DDAH1: variants seen among roughly 807,000 people sequenced by gnomAD.
The protein encoded by DDAH1 is dimethylarginine dimethylaminohydrolase 1.
Under a neutral mutation model 28.8 loss-of-function variants are expected in DDAH1, and 19 were observed. The ratio of observed to expected loss-of-function variants is 0.66; its 90% CI spans 0.46 to 0.97. DDAH1 has a LOEUF of 0.97. Among genes scored for constraint, DDAH1 ranks in the 50% least tolerant of loss-of-function variants. The probability of loss-of-function intolerance (pLI) is 0.00; values close to 1 mark genes in which losing one functional copy is unlikely to be tolerated. For synonymous variants in DDAH1, 153 were observed against 154.4 expected, an observed-to-expected ratio of 0.99 and a Z score of 0.07; for missense variants, 326 against 375.9, an observed-to-expected ratio of 0.87 and a Z score of 1.10.
intron 1 of DDAH1, among the ~76,000 whole-genome samples, chr1:85,458,285 C>T (rs1654987666): frequency 6.6e-6 from 1 of 152,116 alleles, no homozygotes; most frequent in Non-Finnish European, 1.5e-5. Context: ...CATTTAGCAA[C>T]AAAAGTCTAA....
intron 1 of DDAH1, among the ~76,000 whole-genome samples, chr1:85,537,790 G>A (rs116553278): frequency 0.024 from 3,552 of 150,914 alleles, 115 homozygotes; most frequent in African/African-American, 0.06. Flanking sequence ...TAGGACTCTG[G>A]CATATTTTAA....
chr1:85,572,102 C>T (rs1405515770), intron 1 of DDAH1, among the ~76,000 whole-genome samples: 5 of 152,138 alleles, frequency 3.3e-5, no homozygotes, highest in Non-Finnish European at 4.4e-5. Flanking sequence ...TTACAGTAGA[C>T]GGATCTCTCA....
chr1:85,464,755 G>A lies in DDAH1; in HGVS notation c.291C>T (p.Ser97=). ...TALITRPGAP[S]RRKEVDMMKE... Reference sequence around the variant, plus strand: ...AGTCGGCAGTTACCTCCTTCCTCCGGCTCGGCGCCCCGGGTCGGGTGATGA... The same window carrying A: ...AGTCGGCAGTTACCTCCTTCCTCCGACTCGGCGCCCCGGGTCGGGTGATGA... The change falls in exon 1 of 6, where the codon AGC becomes AGT. Residue 97 remains serine (S), a synonymous_variant. Transcript: ENST00000284031. This position sits in a 1 kb window ranked among gnomAD's most constrained non-coding sequence, Gnocchi z 4.4. 1 of 1,548,618 alleles carries A rather than the reference G, an allele frequency of 6.5e-7. No homozygotes were observed.
At chr1:85,457,751 G>A (rs528221183) in intron 1 of DDAH1, among the ~76,000 whole-genome samples, 39 of 152,222 alleles carry the variant, frequency 2.6e-4, no homozygotes, top group South Asian at 6.2e-4. Context: ...GTGCTGTGGC[G>A]TGATCTTGGC....
intron 1 of DDAH1, among the ~76,000 whole-genome samples, chr1:85,504,848 T>C (rs1656954320): frequency 1.3e-5 from 2 of 152,082 alleles, no homozygotes; most frequent in Non-Finnish European, 2.9e-5. Flanking sequence ...GTGGCACTTG[T>C]TAAAAATACA....
intron 1 of DDAH1, among the ~76,000 whole-genome samples, chr1:85,375,704 C>T (rs936486017): frequency 6.6e-6 from 1 of 152,060 alleles, no homozygotes; most frequent in Admixed American, 6.6e-5. Context: ...CCAAGGTTGC[C>T]CAGAATTCAA....
At chr1:85,429,414 A>G (rs1020656654) in intron 1 of DDAH1, among the ~76,000 whole-genome samples, 2 of 152,192 alleles carry the variant, frequency 1.3e-5, no homozygotes, top group South Asian at 2.1e-4. Context: ...CCAGTCTATC[A>G]TTCATGGGCA....
chr1:85,553,888 AGACTCTCCATGGAGGGACTTTCTGG>A (rs1462855379), intron 1 of DDAH1, among the ~76,000 whole-genome samples: 2 of 152,216 alleles, frequency 1.3e-5, no homozygotes, highest in African/African-American at 4.8e-5. Flanking sequence ...CTAGTCTGCC[AGACTCTCCATGGAGGGACTTTCTGG>A]GGATTCTGGC....
chr1:85,448,178 T>C (rs1654519255), intron 1 of DDAH1: 1 of 158,666 alleles, frequency 6.3e-6, no homozygotes, highest in Non-Finnish European at 1.4e-5. Context: ...TGTTAGAGTA[T>C]TTTATGTGTG....
intron 4 of DDAH1, among the ~76,000 whole-genome samples, chr1:85,333,139 G>A (rs376030258): frequency 8.8e-4 from 134 of 152,274 alleles, no homozygotes; most frequent in African/African-American, 3.0e-3. Flanking sequence ...CCCACCTGGC[G>A]TCCTATCCCC....
At chr1:85,540,612 A>G (rs34623281) in intron 1 of DDAH1, among the ~76,000 whole-genome samples, 5,358 of 152,164 alleles carry the variant, frequency 0.035, 140 homozygotes, top group East Asian at 0.078. Flanking sequence ...CTTTCCTCCT[A>G]TCCCCACCAT....
At chr1:85,363,470 A>G (rs1649894826) in intron 1 of DDAH1, among the ~76,000 whole-genome samples, 1 of 152,234 alleles carries the variant, frequency 6.6e-6, no homozygotes, top group African/African-American at 2.4e-5. Context: ...CTTTAAAATT[A>G]TAGAATCATT....
chr1:85,391,505 T>G (rs1651547792), intron 1 of DDAH1, among the ~76,000 whole-genome samples: 1 of 152,042 alleles, frequency 6.6e-6, no homozygotes, highest in Admixed American at 6.6e-5. Flanking sequence ...TAGGAAAAAT[T>G]TAGGGTCTTC....
chr1:85,552,883 A>T (rs2100796345), intron 1 of DDAH1, among the ~76,000 whole-genome samples: 1 of 152,254 alleles, frequency 6.6e-6, no homozygotes, highest in East Asian at 1.9e-4. Flanking sequence ...TCGCATCAAG[A>T]AATGGAGCCT....
At chr1:85,381,350 T>TC (rs1650978400) in intron 1 of DDAH1, among the ~76,000 whole-genome samples, 1 of 17,672 alleles carries the variant, frequency 5.7e-5, no homozygotes, top group Non-Finnish European at 8.9e-5. Context: ...CTGCATTGTT[T>TC]CTTTTATTTC....
At position 85,321,264 on chromosome 1, in the gene DDAH1, A is replaced by G. The variant is rs1303599356; in HGVS notation, c.*188T>C. On this transcript the variant is annotated 3_prime_UTR_variant, in exon 6 of 6. Transcript: ENST00000284031. The stretch of plus-strand genomic sequence containing the variant: ...AATTCATTTAGCAAATCCACAGCTT[A>G]GGTACCACCTCGAGGGGAGGGAGGG... 1 of 541,526 alleles carries G rather than the reference A, an allele frequency of 1.8e-6. No homozygotes were observed. Among genetic ancestry groups the G allele is most frequent in the Non-Finnish European group, 3.3e-6 (1 of 304,218 alleles). The allele number at this position is 541,526 out of a possible 1,614,324, so 33.5% of individuals were successfully genotyped here. A position where few individuals can be genotyped will look rare whatever the true frequency, so the allele number is the denominator to read the frequency against.
At chr1:85,397,992 T>C (rs75302620) in intron 1 of DDAH1, among the ~76,000 whole-genome samples, 5 of 25,324 alleles carry the variant, frequency 2.0e-4, no homozygotes, top group African/African-American at 7.6e-4. Flanking sequence ...ATAAACCTCT[T>C]TTTTTTTTTT....
chr1:85,473,478 T>A (rs891354904), intron 2 of DDAH1, among the ~76,000 whole-genome samples: 3 of 152,086 alleles, frequency 2.0e-5, no homozygotes, highest in Admixed American at 2.0e-4. Context: ...TATATGTATA[T>A]GTATGTGTAC....
intron 1 of DDAH1, among the ~76,000 whole-genome samples, chr1:85,463,024 T>C (rs1051528341): frequency 1.3e-5 from 2 of 152,274 alleles, no homozygotes; most frequent in Admixed American, 1.3e-4. Flanking sequence ...GGTATTATTA[T>C]GTCCACTGTA....
Sources: gnomAD v4.1 joint callset for allele counts (sites outside exome capture counted in the v4.1 genomes callset) on GRCh38, gnomAD v4.1.1 for gene constraint, Gnocchi (gnomAD v3.1) non-coding constraint, MANE v1.5 for transcripts, NCBI Gene and HGNC (gene_info 2026-07-23, HGNC 2026-07-21) for gene names.